Variants in ZHX2 observed in about 807,000 individuals in gnomAD.
The protein encoded by ZHX2 is zinc fingers and homeoboxes 2.
Under a neutral mutation model 21.9 loss-of-function variants are expected in ZHX2, and 6 were observed. The ratio of observed to expected loss-of-function variants is 0.27; its 90% CI spans 0.15 to 0.54. ZHX2 has a LOEUF of 0.54. ZHX2 is among the 20% of genes least tolerant of loss of function. The pLI, the probability that ZHX2 is intolerant of heterozygous loss-of-function variation, is 0.95. For synonymous variants in ZHX2, 434 were observed against 437.1 expected (o/e 0.99, Z 0.09); for missense variants, 908 against 1,090.7 (o/e 0.83, Z 2.36).
intron 1 of ZHX2, among the ~76,000 whole-genome samples, chr8:122,798,771 C>G (rs1817660715): frequency 6.6e-6 from 1 of 151,440 alleles, no homozygotes; most frequent in South Asian, 2.1e-4. Context: ...TGCACTCCAG[C>G]CTGGGGACAG....
At chr8:122,848,699 T>C (rs1203388621) in intron 1 of ZHX2, among the ~76,000 whole-genome samples, 1 of 152,202 alleles carries the variant, frequency 6.6e-6, no homozygotes, top group Non-Finnish European at 1.5e-5. Context: ...TAAAATATTT[T>C]CCCGGGCATT....
intron 1 of ZHX2, among the ~76,000 whole-genome samples, chr8:122,861,887 G>A (rs947528964): frequency 2.0e-5 from 3 of 152,222 alleles, no homozygotes; most frequent in Non-Finnish European, 2.9e-5. Flanking sequence ...GGAATGCTCA[G>A]GTTAGCTTGT....
intron 2 of ZHX2, among the ~76,000 whole-genome samples, chr8:122,902,191 C>T (rs1405616999): frequency 6.6e-6 from 1 of 152,152 alleles, no homozygotes; most frequent in Non-Finnish European, 1.5e-5. Context: ...TTCAACTGAA[C>T]CAACATGTAT....
At chr8:122,860,226 T>C (rs1303158522) in intron 1 of ZHX2, among the ~76,000 whole-genome samples, 1 of 152,186 alleles carries the variant, frequency 6.6e-6, no homozygotes, top group Admixed American at 6.6e-5. Flanking sequence ...GAGAACAGCA[T>C]GGGGAAAACC....
chr8:122,855,097 T>C lies in ZHX2; in HGVS notation c.-282-8380T>C, dbSNP rs1376594884. The stretch of plus-strand genomic sequence containing the variant: ...GTCAGACTGGGTGGAATCTTAGCTC[T>C]GGCCTCTGTGCACTGTGGGACCTTA... On this transcript the variant is annotated intron_variant, in intron 1 of 3. Transcript: ENST00000314393. 2.6e-5 allele frequency among the ~76,000 whole-genome samples: 4 copies of C among 152,222 alleles called. No individual in the cohort carries two copies. The East Asian group carries it at 7.7e-4, about 29-fold the overall frequency.
At chr8:122,821,224 C>A (rs1037581741) in intron 1 of ZHX2, among the ~76,000 whole-genome samples, 1 of 152,208 alleles carries the variant, frequency 6.6e-6, no homozygotes, top group Non-Finnish European at 1.5e-5. Flanking sequence ...TGGGAACCAG[C>A]TGCCAGGCTT....
intron 2 of ZHX2, among the ~76,000 whole-genome samples, chr8:122,867,727 GA>G (rs1274627302): frequency 6.6e-6 from 1 of 152,196 alleles, no homozygotes; most frequent in Non-Finnish European, 1.5e-5. Context: ...GAGAGTAAAT[GA>G]GATAAAATGT....
chr8:122,781,753 C>T lies in ZHX2; in HGVS notation c.-476C>T, dbSNP rs925487447. On this transcript the variant is annotated 5_prime_UTR_variant, in exon 1 of 4. Transcript: ENST00000314393. This position sits in a 1 kb window ranked among gnomAD's most constrained non-coding sequence, Gnocchi z 4.6. Reference sequence around the variant, plus strand: ...TTTAAAAATTTTGGCCATCGTTCTCCGTACGGGGGCTTTTTCTGTCTGTCT... The same window carrying T: ...TTTAAAAATTTTGGCCATCGTTCTCTGTACGGGGGCTTTTTCTGTCTGTCT... 19 of 152,112 alleles carry T rather than the reference C, an allele frequency of 1.2e-4. No individual in the cohort carries two copies. The highest frequency in any genetic ancestry group is 4.4e-4 in the African/African-American group (18 of 41,364). 9.4% of individuals were successfully genotyped at this position (152,112 alleles called of 1,614,324 possible).
At chr8:122,788,556 G>C (rs1000807011) in intron 1 of ZHX2, among the ~76,000 whole-genome samples, 5 of 152,148 alleles carry the variant, frequency 3.3e-5, no homozygotes, top group Non-Finnish European at 1.5e-5. Flanking sequence ...GAGAGAGCAA[G>C]ACTCTGTCTC....
chr8:122,862,952 T>C (rs529626896), intron 1 of ZHX2, among the ~76,000 whole-genome samples: 1 of 152,154 alleles, frequency 6.6e-6, no homozygotes, highest in South Asian at 2.1e-4. Flanking sequence ...CGGCTACAGC[T>C]CTCCCGAGGA....
intron 1 of ZHX2, among the ~76,000 whole-genome samples, chr8:122,851,432 C>T (rs966902093): frequency 2.6e-5 from 4 of 152,016 alleles, no homozygotes; most frequent in African/African-American, 7.2e-5. Context: ...TTAAAAGATA[C>T]CCCCTGCAGG....
intron 2 of ZHX2, among the ~76,000 whole-genome samples, chr8:122,889,840 T>C (rs537224940): frequency 6.6e-6 from 1 of 151,954 alleles, no homozygotes; most frequent in South Asian, 2.1e-4. Flanking sequence ...ATGATGGAGG[T>C]TGGGGGATGG....
chr8:122,881,855 C>G (rs908549174), intron 2 of ZHX2, among the ~76,000 whole-genome samples: 1 of 152,196 alleles, frequency 6.6e-6, no homozygotes. Flanking sequence ...GCGACTCTCA[C>G]TATCCAAAAG....
At chr8:122,889,817 G>A (rs117520810) in intron 2 of ZHX2, among the ~76,000 whole-genome samples, 24 of 152,206 alleles carry the variant, frequency 1.6e-4, no homozygotes, top group Non-Finnish European at 2.9e-4. Flanking sequence ...AATATATGCA[G>A]ATTTTGGTAT....
chr8:122,786,160 A>G (rs149594565), intron 1 of ZHX2, among the ~76,000 whole-genome samples: 1 of 152,274 alleles, frequency 6.6e-6, no homozygotes, highest in African/African-American at 2.4e-5. Flanking sequence ...CTTTCTGGAT[A>G]ATTCAGTTAG....
At chr8:122,881,677 G>A (rs904767823) in intron 2 of ZHX2, among the ~76,000 whole-genome samples, 5 of 152,114 alleles carry the variant, frequency 3.3e-5, no homozygotes, top group African/African-American at 1.2e-4. Flanking sequence ...CAACATTTAC[G>A]GGTCCATTGG....
chr8:122,807,418 A>G (rs574910909), intron 1 of ZHX2, among the ~76,000 whole-genome samples: 1 of 152,246 alleles, frequency 6.6e-6, no homozygotes, highest in Non-Finnish European at 1.5e-5. Context: ...GAAGAAAAGC[A>G]AAAACAGTGT....
At chr8:122,940,673 T>C (rs1812818767) in intron 2 of ZHX2, among the ~76,000 whole-genome samples, 1 of 152,192 alleles carries the variant, frequency 6.6e-6, no homozygotes, top group Non-Finnish European at 1.5e-5. Flanking sequence ...CACAATTCAA[T>C]TAAAATCTTC....
chr8:122,887,009 T>A (rs188576224), intron 2 of ZHX2, among the ~76,000 whole-genome samples: 144 of 150,972 alleles, frequency 9.5e-4, no homozygotes, highest in African/African-American at 3.2e-3. Context: ...TCAGATCTAA[T>A]TGACTGCAGG....
Sources: gnomAD v4.1 joint callset for allele counts (sites outside exome capture counted in the v4.1 genomes callset) on GRCh38, gnomAD v4.1.1 for gene constraint, Gnocchi (gnomAD v3.1) non-coding constraint, MANE v1.5 for transcripts, NCBI Gene and HGNC (gene_info 2026-07-23, HGNC 2026-07-21) for gene names.